Variants in IFNGR1 observed in about 807,000 individuals in gnomAD.
IFNGR1 encodes interferon gamma receptor 1.
Under a neutral mutation model 35.4 loss-of-function variants are expected in IFNGR1, and 23 were observed. The observed-to-expected ratio is 0.65, with a 90% CI of 0.47 to 0.92. The LOEUF is 0.92. Ranked by LOEUF, IFNGR1 falls within the 40% of genes least tolerant of loss-of-function variation. The probability of loss-of-function intolerance (pLI) is 0.00; values close to 1 mark genes in which losing one functional copy is unlikely to be tolerated. For synonymous variants in IFNGR1, 199 were observed against 209.5 expected (o/e 0.95, Z 0.43); for missense variants, 533 against 583.4 (o/e 0.91, Z 0.89).
At chr6:137,211,505 T>C (rs1268872549) in intron 1 of IFNGR1, among the ~76,000 whole-genome samples, 1 of 152,192 alleles carries the variant, frequency 6.6e-6, no homozygotes, top group Non-Finnish European at 1.5e-5. Flanking sequence ...AACTTGACCT[T>C]TTTGTGGCCA....
chr6:137,215,402 AAATG>A, intron 1 of IFNGR1: 1 of 1,407,712 alleles, frequency 7.1e-7, no homozygotes, highest in South Asian at 1.3e-5. Flanking sequence ...CAATGCATTA[AAATG>A]AATAATTTCT....
intron 1 of IFNGR1, chr6:137,209,990 G>C: frequency 2.5e-6 from 1 of 397,980 alleles, no homozygotes. Context: ...TAAGACTTGA[G>C]TCACGTAAGA....
Position 137,208,579 on chromosome 6 carries a change from G to A in IFNGR1, c.86-1502C>T, listed in dbSNP as rs111702619. Among the ~76,000 whole-genome samples the A allele has an allele frequency of 8.2e-3, 1,246 of 152,296 alleles. 20 individuals are homozygous for A. The highest frequency in any genetic ancestry group is 0.029 in the African/African-American group (1,194 of 41,560). ...AACATATAGCTCAGGCTGTGGCTTC[G>A]GAGGGTGGAAGTCACAAGCCTTGGC... is the stretch of plus-strand genomic sequence containing the variant. On this transcript the variant is annotated intron_variant, in intron 1 of 6. Coordinates refer to ENST00000367739, the MANE Select transcript of IFNGR1 (RefSeq NM_000416.3).
At chr6:137,203,855 C>A in intron 4 of IFNGR1, 170 bp from the exon 5 acceptor site, 1 of 640,452 alleles carries the variant, frequency 1.6e-6, no homozygotes, top group Non-Finnish European at 2.7e-6. Context: ...TTCAACACAG[C>A]ACGATACTAT....
At chr6:137,205,011 T>C (rs1037949221) in intron 3 of IFNGR1, among the ~76,000 whole-genome samples, 2 of 152,214 alleles carry the variant, frequency 1.3e-5, no homozygotes, top group African/African-American at 4.8e-5. Flanking sequence ...ATTTATCTAG[T>C]CTTCACATAT....
At chr6:137,199,514 AAT>A (rs1222770538) in intron 6 of IFNGR1, among the ~76,000 whole-genome samples, 1 of 56,098 alleles carries the variant, frequency 1.8e-5, no homozygotes, top group Non-Finnish European at 3.0e-5. Context: ...TATAATTTAT[AAT>A]ATATTATATA....
At chr6:137,218,950 C>T in intron 1 of IFNGR1, 1 of 515,644 alleles carries the variant, frequency 1.9e-6, no homozygotes, top group South Asian at 2.0e-5. Flanking sequence ...CAACGTCCTT[C>T]TGCAGCGCAT....
intron 1 of IFNGR1, among the ~76,000 whole-genome samples, chr6:137,212,702 A>T (rs1779605512): frequency 6.6e-6 from 1 of 152,240 alleles, no homozygotes; most frequent in Non-Finnish European, 1.5e-5. Context: ...GGAAGGGGCT[A>T]CTGAATCACA....
intron 1 of IFNGR1, among the ~76,000 whole-genome samples, chr6:137,215,536 T>A (rs1015275209): frequency 2.0e-5 from 3 of 152,220 alleles, no homozygotes; most frequent in Admixed American, 6.5e-5. Flanking sequence ...CTGTTAGGAA[T>A]TCACTTCATT....
intron 4 of IFNGR1, 28 bp downstream of exon 4, chr6:137,204,304 T>G: frequency 6.3e-7 from 1 of 1,598,886 alleles, no homozygotes. Context: ...CACAAGAATT[T>G]CCATTATGAA....
intron 4 of IFNGR1, 109 bp downstream of exon 4, chr6:137,204,223 G>A (rs1779370023): frequency 1.5e-5 from 14 of 914,640 alleles, no homozygotes; most frequent in Non-Finnish European, 2.5e-5. Flanking sequence ...TATGATCTGT[G>A]AGTCTTGCTT....
At chr6:137,216,813 C>T (rs1002672469) in intron 1 of IFNGR1, among the ~76,000 whole-genome samples, 2 of 152,078 alleles carry the variant, frequency 1.3e-5, no homozygotes, top group South Asian at 2.1e-4. Context: ...AAAGCAAGGC[C>T]GGGGTGCTTG....
intron 1 of IFNGR1, among the ~76,000 whole-genome samples, chr6:137,212,978 C>CA (rs1320421146): frequency 1.3e-5 from 2 of 152,090 alleles, no homozygotes; most frequent in Non-Finnish European, 1.5e-5. Context: ...TTAATGCTAC[C>CA]AGAGGAGAAA....
intron 1 of IFNGR1, among the ~76,000 whole-genome samples, chr6:137,208,916 C>T (rs758577695): frequency 6.6e-6 from 1 of 152,316 alleles, no homozygotes; most frequent in East Asian, 1.9e-4. Flanking sequence ...TTGATGGCAG[C>T]CTGTGAAAGC....
chr6:137,219,142 A>G, intron 1 of IFNGR1, 101 bp downstream of exon 1: 2 of 1,469,108 alleles, frequency 1.4e-6, no homozygotes, highest in Non-Finnish European at 1.9e-6. Flanking sequence ...GTCCCGGGCT[A>G]GGGCGACCTC....
At chr6:137,218,755 C>G (rs1230004108) in intron 1 of IFNGR1, 1 of 349,792 alleles carries the variant, frequency 2.9e-6, no homozygotes, top group Non-Finnish European at 5.7e-6. Flanking sequence ...CAGTAGAAAC[C>G]CAGACAAACC....
rs772821071 is a variant in IFNGR1, at chr6:137,198,232, G to A, written c.1269C>T (p.Ser423=). The change falls in exon 7 of 7, where the codon AGC becomes AGT. Residue 423 remains serine, a synonymous_variant. Transcript: ENST00000367739. ...DTDSSCLESH[S]SLSDSEFPPN... ...GGGGAAATTCTGAGTCAGATAAGGA[G>A]CTATGTGATTCCAGACAGCTGGAAT... is the stretch of plus-strand genomic sequence containing the variant. 1.2e-6 allele frequency: 2 copies of A among 1,613,940 alleles called. No homozygotes were observed. Among genetic ancestry groups the A allele is most frequent in the Middle Eastern group, 1.6e-4 (1 of 6,062 alleles).
chr6:137,213,590 AAAAG>A (rs1779623314), intron 1 of IFNGR1, among the ~76,000 whole-genome samples: 1 of 152,258 alleles, frequency 6.6e-6, no homozygotes, highest in Non-Finnish European at 1.5e-5. Flanking sequence ...AGGATATGAA[AAAAG>A]AGAGACAACA....
Position 137,198,647 on chromosome 6 carries a change from G to A in IFNGR1, c.862-8C>T. On this transcript the variant is annotated splice_region_variant and splice_polypyrimidine_tract_variant and intron_variant, in intron 6 of 6. Transcript: ENST00000367739. ...ACTTCTTACCACAGAGATCTATGGG[G>A]AGAAAAATTGATTAAAGATAAAAAA... 1 of 1,602,576 alleles carries A rather than the reference G, an allele frequency of 6.2e-7. No individual in the cohort carries two copies. The highest frequency in any genetic ancestry group is 8.5e-7 in the Non-Finnish European group (1 of 1,175,634).
Sources: gnomAD v4.1 joint callset for allele counts (sites outside exome capture counted in the v4.1 genomes callset) on GRCh38, gnomAD v4.1.1 for gene constraint, MANE v1.5 for transcripts, NCBI Gene and HGNC (gene_info 2026-07-23, HGNC 2026-07-21) for gene names.